Variants in TEK observed in about 807,000 individuals in gnomAD.
The protein encoded by TEK is TEK receptor tyrosine kinase.
Under a neutral mutation model 131.8 loss-of-function variants are expected in TEK, and 43 were observed. The ratio of observed to expected loss-of-function variants is 0.33; its 90% CI spans 0.26 to 0.42. TEK has a LOEUF of 0.42. Among genes scored for constraint, TEK ranks in the 10% least tolerant of loss-of-function variants. The pLI is 1.00. For missense variants in TEK, 1,162 were observed against 1,384.4 expected (o/e 0.84, Z 2.55); for synonymous variants, 580 against 491.6 (o/e 1.18, Z -2.38).
Position 27,173,064 on chromosome 9 carries a change from G to T in TEK, c.761-158G>T, listed in dbSNP as rs3824410. Among the ~76,000 whole-genome samples, 32,127 of 152,018 alleles carry T rather than the reference G, an allele frequency of 0.21. 3,586 individuals carry two copies. Among genetic ancestry groups the T allele is most frequent in the East Asian group, 0.43 (2,210 of 5,166 alleles). On this transcript the variant is annotated intron_variant, in intron 5 of 22. Coordinates refer to ENST00000380036, the MANE Select transcript of TEK (RefSeq NM_000459.5). Reference sequence around the variant, plus strand: ...GCTCTGTGGGGCAGTTTCATTATCAGTAAAATGGGCCATAAGGGTATGTTC... The same window carrying T: ...GCTCTGTGGGGCAGTTTCATTATCATTAAAATGGGCCATAAGGGTATGTTC...
At chr9:27,219,335 C>T (rs1215275429) in intron 20 of TEK, among the ~76,000 whole-genome samples, 1 of 152,136 alleles carries the variant, frequency 6.6e-6, no homozygotes, top group Non-Finnish European at 1.5e-5. Flanking sequence ...GTGTCCTTTG[C>T]AGGACCATGG....
chr9:27,140,381 T>TA (rs1306196129), intron 1 of TEK, among the ~76,000 whole-genome samples: 3 of 143,658 alleles, frequency 2.1e-5, no homozygotes, highest in East Asian at 2.0e-4. Flanking sequence ...TTGTGAAACT[T>TA]ACATTAGCAA....
At chr9:27,228,387 T>C (rs1469102306) in intron 22 of TEK, 82 bp downstream of exon 22, 16 of 1,102,348 alleles carry the variant, frequency 1.5e-5, no homozygotes, top group Non-Finnish European at 2.0e-5. Flanking sequence ...ATTGAAATAA[T>C]TGAAGAAGTT....
intron 6 of TEK, among the ~76,000 whole-genome samples, chr9:27,179,477 C>A: frequency 6.6e-6 from 1 of 152,084 alleles, no homozygotes; most frequent in East Asian, 1.9e-4. Flanking sequence ...AAAAACGGGC[C>A]TTAATTCTCC....
intron 21 of TEK, among the ~76,000 whole-genome samples, chr9:27,224,980 C>G (rs796792056): frequency 5.3e-5 from 8 of 152,280 alleles, no homozygotes; most frequent in African/African-American, 1.7e-4. Context: ...AACAGAGAGC[C>G]AAACCATGAG....
rs985520829 is a variant in TEK, at chr9:27,198,522, T to C, written c.1909+923T>C. 3 of 152,370 alleles carry C rather than the reference T, an allele frequency of 2.0e-5. No homozygotes were observed. In the East Asian group the frequency reaches 5.8e-4, roughly 29 times the overall value. The allele number at this position is 152,370 out of a possible 1,614,324, so 9.4% of individuals were successfully genotyped here. ...AAGTCTGAATTGTTTTGTCAGTGTT[T>C]AGGAATTCTTCATATATAATGTTTA... On this transcript the variant is annotated intron_variant, in intron 12 of 22. Transcript: ENST00000380036.
chr9:27,153,547 C>T (rs1331926257), intron 1 of TEK, among the ~76,000 whole-genome samples: 1 of 152,202 alleles, frequency 6.6e-6, no homozygotes, highest in Admixed American at 6.5e-5. Context: ...CATCTTGTTT[C>T]AGCAAATTAT....
In TEK at chr9:27,172,728, G is replaced by C; in HGVS notation, c.741G>C (p.Met247Ile). The change falls in exon 5 of 23, where the codon ATG (methionine) becomes ATC (isoleucine). Residue 247 changes from methionine to isoleucine, a missense_variant. Met to Ile is a conservative substitution (Grantham distance 10, BLOSUM62 1). Coordinates refer to ENST00000380036, the MANE Select transcript of TEK (RefSeq NM_000459.5). ...AATGCATTTGCCCTCCTGGGTTTAT[G>C]GGAAGGACGTGTGAGAAGGGTAAGT... ...TGECICPPGF[M>I]GRTCEKACEL... 1 of 1,613,638 alleles carries C rather than the reference G, an allele frequency of 6.2e-7. No homozygotes were observed. The highest frequency in any genetic ancestry group is 8.5e-7 in the Non-Finnish European group (1 of 1,179,670).
rs775863463 is a variant in TEK, at chr9:27,157,786, T to C, written c.53-45T>C. 1.5e-5 allele frequency: 24 copies of C among 1,605,462 alleles called. No individual in the cohort carries two copies. The South Asian group carries it at 2.5e-4, about 17-fold the overall frequency. ...AGCACCAGTTTACCCAATGGGGTCA[T>C]GTTAATAACCTTAGTCATACATTAT... On this transcript the variant is annotated intron_variant, in intron 1 of 22. Coordinates refer to ENST00000380036, the MANE Select transcript of TEK (RefSeq NM_000459.5).
intron 1 of TEK, among the ~76,000 whole-genome samples, chr9:27,131,898 A>T (rs1001113008): frequency 4.6e-5 from 7 of 152,130 alleles, no homozygotes; most frequent in Non-Finnish European, 8.8e-5. Flanking sequence ...AAAGTTATGC[A>T]TCAAAATGTC....
At chr9:27,130,229 G>A (rs1443801015) in intron 1 of TEK, among the ~76,000 whole-genome samples, 7 of 152,080 alleles carry the variant, frequency 4.6e-5, no homozygotes, top group Admixed American at 4.6e-4. Context: ...TGAAAGGCCA[G>A]AACCAGACTT....
chr9:27,125,760 T>A (rs1409053982), intron 1 of TEK, among the ~76,000 whole-genome samples: 2 of 152,198 alleles, frequency 1.3e-5, no homozygotes, highest in Non-Finnish European at 2.9e-5. Flanking sequence ...ACTATCATTA[T>A]TTTTTTGTAT....
At chr9:27,159,257 T>G (rs991961692) in intron 2 of TEK, among the ~76,000 whole-genome samples, 10 of 152,188 alleles carry the variant, frequency 6.6e-5, no homozygotes, top group Non-Finnish European at 1.5e-4. Context: ...TGTTTCTATT[T>G]TTTTGTACCA....
intron 1 of TEK, among the ~76,000 whole-genome samples, chr9:27,153,495 C>A (rs1823209734): frequency 6.6e-6 from 1 of 152,176 alleles, no homozygotes. Context: ...GGAAAAATAG[C>A]ATTAATCTCT....
intron 15 of TEK, 90 bp from the exon 16 acceptor site, chr9:27,209,031 G>A: frequency 3.7e-6 from 3 of 813,216 alleles, no homozygotes; most frequent in Admixed American, 3.6e-5. Context: ...GTGACTGAGG[G>A]TAGCTGAAGG....
At chr9:27,189,509 T>C (rs1824727959) in intron 9 of TEK, among the ~76,000 whole-genome samples, 1 of 152,152 alleles carries the variant, frequency 6.6e-6, no homozygotes, top group South Asian at 2.1e-4. Flanking sequence ...ATTGAGAAGA[T>C]GTGGTCTTTG....
In TEK at chr9:27,120,265, A is replaced by G. The variant is rs141766051; in HGVS notation, c.52+10623A>G. ...GACTCTTTGCAGTTTCCAAACATTCATGTTCAAGCATTTATGCCTTTGTGT... is the reference window on the plus strand; with the variant it reads ...GACTCTTTGCAGTTTCCAAACATTCGTGTTCAAGCATTTATGCCTTTGTGT... On this transcript the variant is annotated intron_variant, in intron 1 of 22. Transcript: ENST00000380036. Among the ~76,000 whole-genome samples, 535 of 152,300 alleles carry G rather than the reference A, an allele frequency of 3.5e-3. 5 individuals are homozygous for G. The highest frequency in any genetic ancestry group is 0.012 in the African/African-American group (511 of 41,566).
At chr9:27,166,787 C>A (rs952318449) in intron 2 of TEK, among the ~76,000 whole-genome samples, 2 of 152,118 alleles carry the variant, frequency 1.3e-5, no homozygotes, top group African/African-American at 4.8e-5. Context: ...ATTCTAGAAT[C>A]TAAGATTTTC....
chr9:27,130,476 G>T (rs1822166029), intron 1 of TEK, among the ~76,000 whole-genome samples: 1 of 152,008 alleles, frequency 6.6e-6, no homozygotes, highest in Admixed American at 6.6e-5. Context: ...GACTTTTTAA[G>T]TTTAAAACAC....
Sources: gnomAD v4.1 joint callset for allele counts (sites outside exome capture counted in the v4.1 genomes callset) on GRCh38, gnomAD v4.1.1 for gene constraint, MANE v1.5 for transcripts, NCBI Gene and HGNC (gene_info 2026-07-23, HGNC 2026-07-21) for gene names.